The following ITPR1 variants were observed in gnomAD, a reference collection of about 807,000 sequenced individuals.
The protein encoded by ITPR1 is inositol 1,4,5-trisphosphate-gated calcium channel ITPR1.
In ITPR1, 96 loss-of-function variants were observed where a neutral mutation model predicts 318.4. That is an observed-to-expected ratio of 0.30 (90% CI 0.26 to 0.36). The LOEUF (loss-of-function observed/expected upper bound fraction) is 0.36, where lower values mean the gene tolerates loss of function less well. Ranked by LOEUF, ITPR1 falls within the 10% of genes least tolerant of loss-of-function variation. The probability of loss-of-function intolerance (pLI) is 1.00; values close to 1 mark genes in which losing one functional copy is unlikely to be tolerated. For synonymous variants in ITPR1, 1,312 were observed against 1,289.9 expected, an observed-to-expected ratio of 1.02 and a Z score of -0.37; for missense variants, 2,440 against 3,460.2, an observed-to-expected ratio of 0.71 and a Z score of 7.40.
At chr3:4,654,090 T>C (rs571378619) in intron 12 of ITPR1, among the ~76,000 whole-genome samples, 1 of 152,312 alleles carries the variant, frequency 6.6e-6, no homozygotes, top group African/African-American at 2.4e-5. Context: ...GGACTGTTGT[T>C]GATGATGGTA....
At chr3:4,716,270 A>G (rs191255279) in intron 39 of ITPR1, among the ~76,000 whole-genome samples, 2 of 152,292 alleles carry the variant, frequency 1.3e-5, no homozygotes, top group African/African-American at 4.8e-5. Context: ...ATCACTCTCT[A>G]ACTCAGAAAA....
chr3:4,519,992 T>A (rs1364499642), intron 3 of ITPR1, among the ~76,000 whole-genome samples: 1 of 152,120 alleles, frequency 6.6e-6, no homozygotes, highest in Non-Finnish European at 1.5e-5. Context: ...CAGGCAGGAC[T>A]TGAGGAGGCA....
chr3:4,630,896 T>A (rs920864358), intron 5 of ITPR1, among the ~76,000 whole-genome samples: 1 of 152,156 alleles, frequency 6.6e-6, no homozygotes, highest in African/African-American at 2.4e-5. Context: ...CCTGTCAGCA[T>A]TATTTTTTAC....
In ITPR1 at chr3:4,545,677, G is replaced by A. The variant is rs570850722; in HGVS notation, c.163+24583G>A. Among the ~76,000 whole-genome samples, 8 of 146,868 alleles carry A rather than the reference G, an allele frequency of 5.4e-5. No individual in the cohort carries two copies. The South Asian group carries it at 1.1e-3, about 20-fold the overall frequency. On this transcript the variant is annotated intron_variant, in intron 4 of 61. Transcript: ENST00000649015. ...GCATCTTTTTTTGTGTTCATATCACGGCTAGTATGCAAACTTTTTTTTTTT... is the reference window on the plus strand; with the variant it reads ...GCATCTTTTTTTGTGTTCATATCACAGCTAGTATGCAAACTTTTTTTTTTT...
At chr3:4,778,695 G>C (rs964102239) in intron 48 of ITPR1, among the ~76,000 whole-genome samples, 3 of 152,144 alleles carry the variant, frequency 2.0e-5, no homozygotes, top group Non-Finnish European at 4.4e-5. Context: ...TGTGCTCCTG[G>C]TCAGCATTTG....
At position 4,736,624 on chromosome 3, in the gene ITPR1, G is replaced by A. The variant is rs142204100; in HGVS notation, c.5544+1270G>A. ...GGGCCAGTGGCAAGGCCCACTGCTT[G>A]TCTAAGTTGTCACGTGGGCACGAGT... On this transcript the variant is annotated intron_variant, in intron 44 of 61. Coordinates refer to ENST00000649015, the MANE Select transcript of ITPR1 (RefSeq NM_001378452.1). Among the ~76,000 whole-genome samples, 318 of 152,356 alleles carry A rather than the reference G, an allele frequency of 2.1e-3. 1 individual carries two copies. In the Middle Eastern group the frequency reaches 0.037, roughly 18 times the overall value.
At chr3:4,814,600 CGGGTG>C in intron 58 of ITPR1, 38 bp downstream of exon 58, 2 of 512,428 alleles carry the variant, frequency 3.9e-6, no homozygotes, top group Non-Finnish European at 6.3e-6. Context: ...GCAAAGGGGG[CGGGTG>C]GGGTGGTTGG....
At chr3:4,529,327 G>A (rs764804936) in intron 4 of ITPR1, among the ~76,000 whole-genome samples, 15 of 152,164 alleles carry the variant, frequency 9.9e-5, no homozygotes, top group Admixed American at 6.5e-4. Context: ...TCACTGTATT[G>A]CTTTTGTGAC....
intron 4 of ITPR1, among the ~76,000 whole-genome samples, chr3:4,577,725 G>A (rs1030625096): frequency 3.1e-4 from 47 of 152,200 alleles, no homozygotes; most frequent in Admixed American, 9.1e-4. Context: ...TCTTTTGTAC[G>A]TCACTGAAAA....
intron 6 of ITPR1, 51 bp downstream of exon 6, chr3:4,639,521 C>A: frequency 7.5e-7 from 1 of 1,336,854 alleles, no homozygotes; most frequent in Non-Finnish European, 1.0e-6. Flanking sequence ...ACAAAGAATG[C>A]AGCTGAGGAA....
chr3:4,800,309 G>A, intron 53 of ITPR1, 116 bp from the exon 54 acceptor site: 1 of 1,005,846 alleles, frequency 9.9e-7, no homozygotes. Flanking sequence ...GGTGAGAGTT[G>A]GGACTGGTAA....
intron 24 of ITPR1, among the ~76,000 whole-genome samples, chr3:4,679,176 G>A (rs2094247245): frequency 6.6e-6 from 1 of 152,214 alleles, no homozygotes; most frequent in African/African-American, 2.4e-5. Context: ...TGATGATCAG[G>A]CAACTGACTG....
chr3:4,702,255 GAATATTTATAA>G (rs2094671335), intron 35 of ITPR1, among the ~76,000 whole-genome samples: 1 of 152,168 alleles, frequency 6.6e-6, no homozygotes, highest in Admixed American at 6.5e-5. Context: ...CATAATAAAT[GAATATTTATAA>G]AGAGTAACTA....
intron 15 of ITPR1, among the ~76,000 whole-genome samples, chr3:4,662,471 C>T (rs1378392292): frequency 6.6e-6 from 1 of 152,028 alleles, no homozygotes; most frequent in Non-Finnish European, 1.5e-5. Flanking sequence ...ACCTGTAATC[C>T]CAGGACTTTG....
Position 4,779,416 on chromosome 3 carries a change from C to T in ITPR1, c.6292-134C>T. 2 of 649,972 alleles carry T rather than the reference C, an allele frequency of 3.1e-6. No individual in the cohort carries two copies. Among genetic ancestry groups the T allele is most frequent in the East Asian group, 2.9e-5 (1 of 34,940 alleles). 40.3% of individuals were successfully genotyped at this position (649,972 alleles called of 1,614,324 possible). The stretch of plus-strand genomic sequence containing the variant: ...GCAGATGGATTTTGATGTCCTTAAC[C>T]CAGAGCTTCCTCATGGGGTGAAATG... On this transcript the variant is annotated intron_variant, in intron 48 of 61. Transcript: ENST00000649015. This position sits in a 1 kb window ranked among gnomAD's most constrained non-coding sequence, Gnocchi z 4.0.
intron 17 of ITPR1, among the ~76,000 whole-genome samples, chr3:4,666,004 G>C (rs57206214): frequency 0.067 from 10,261 of 152,122 alleles, 525 homozygotes; most frequent in African/African-American, 0.12. Flanking sequence ...GGGAGGCTAG[G>C]GATGCTCTCA....
chr3:4,593,173 T>C (rs533585926), intron 4 of ITPR1, among the ~76,000 whole-genome samples: 101 of 152,320 alleles, frequency 6.6e-4, no homozygotes, highest in Admixed American at 2.7e-3. Context: ...AGATTTTAGG[T>C]CTTTTGATCA....
rs1353792399 is a variant in ITPR1 at position 4,775,286 on chromosome 3, A to G, written c.6024A>G (p.Val2008=). 3 of 1,614,058 alleles carry G rather than the reference A, an allele frequency of 1.9e-6. No individual in the cohort carries two copies. Among genetic ancestry groups the G allele is most frequent in the Admixed American group, 1.7e-5 (1 of 60,012 alleles). ...CQNNKTNYNL[V]CETLQFLDCI... is the part of the protein sequence containing the mutation. ...ATAACAAGACCAACTACAATTTGGT[A>G]TGTGAGACCCTGCAGTTTCTGGACT... Residue 2008 remains valine, a synonymous_variant, in exon 47 of 62, where the codon GTA becomes GTG. Coordinates refer to ENST00000649015, the MANE Select transcript of ITPR1 (RefSeq NM_001378452.1).
At chr3:4,671,008 C>T in intron 20 of ITPR1, 82 bp downstream of exon 20, 2 of 1,040,336 alleles carry the variant, frequency 1.9e-6, no homozygotes, top group East Asian at 2.7e-5. Context: ...TTGTTGATTA[C>T]TTCAAGGAAT....
Sources: allele counts gnomAD v4.1 joint callset (sites outside exome capture counted in the v4.1 genomes callset), GRCh38; gene constraint gnomAD v4.1.1; non-coding constraint Gnocchi (gnomAD v3.1); transcripts MANE v1.5; gene names NCBI Gene and HGNC (gene_info 2026-07-23, HGNC 2026-07-21).